The following SNTB1 variants were observed in gnomAD, a reference collection of about 807,000 sequenced individuals.
SNTB1 encodes syntrophin beta 1, also known as beta-1-syntrophin.
In SNTB1, 36 loss-of-function variants were observed where a neutral mutation model predicts 48.9. That is an observed-to-expected ratio of 0.74 (90% confidence interval 0.56 to 0.97). The LOEUF is 0.97. Ranked by LOEUF, SNTB1 falls within the 50% of genes least tolerant of loss-of-function variation. The pLI is 0.00. For missense variants in SNTB1, 786 were observed against 703.4 expected, an observed-to-expected ratio of 1.12 and a Z score of -1.33; for synonymous variants, 299 against 294.6, an observed-to-expected ratio of 1.01 and a Z score of -0.15.
chr8:120,752,186 C>G (rs1248479343), intron 1 of SNTB1, among the ~76,000 whole-genome samples: 1 of 152,042 alleles, frequency 6.6e-6, no homozygotes, highest in East Asian at 1.9e-4. Flanking sequence ...AATGAAAATC[C>G]AATTGGATCT....
At chr8:120,668,981 G>A (rs1438445841) in intron 2 of SNTB1, among the ~76,000 whole-genome samples, 1 of 152,210 alleles carries the variant, frequency 6.6e-6, no homozygotes, top group African/African-American at 2.4e-5. Context: ...CTCCACCTTA[G>A]AAGCTGAGGG....
intron 1 of SNTB1, among the ~76,000 whole-genome samples, chr8:120,761,689 A>G (rs1819422697): frequency 6.6e-6 from 1 of 152,198 alleles, no homozygotes; most frequent in African/African-American, 2.4e-5. Context: ...CCTTGACCAT[A>G]TACATATGGG....
intron 2 of SNTB1, among the ~76,000 whole-genome samples, chr8:120,692,080 G>A (rs1818138330): frequency 6.6e-6 from 1 of 152,140 alleles, no homozygotes; most frequent in South Asian, 2.1e-4. Flanking sequence ...TACCCCTCTT[G>A]CCGATACTTG....
At chr8:120,681,422 A>T (rs1469132651) in intron 2 of SNTB1, among the ~76,000 whole-genome samples, 1 of 152,154 alleles carries the variant, frequency 6.6e-6, no homozygotes, top group Non-Finnish European at 1.5e-5. Flanking sequence ...CTATAACCTA[A>T]AGGGCCACAA....
At chr8:120,717,150 A>T (rs901188594) in intron 1 of SNTB1, among the ~76,000 whole-genome samples, 39 of 152,240 alleles carry the variant, frequency 2.6e-4, no homozygotes, top group Admixed American at 2.6e-3. Flanking sequence ...GAGGCTGCCC[A>T]GGAAAATATT....
rs151310375 is a variant in SNTB1, at chr8:120,699,481, C to T, written c.572-5573G>A. 9.6e-4 allele frequency among the ~76,000 whole-genome samples: 146 copies of T among 152,188 alleles called. 1 individual carries two copies. Among genetic ancestry groups the T allele is most frequent in the East Asian group, 7.7e-3 (40 of 5,164 alleles). ...CCTCCCCCTTCTCTCTCCCTTTGTC[C>T]CATTCTTGCCATATGATGTGCTGCT... On this transcript the variant is annotated intron_variant, in intron 1 of 6. Transcript: ENST00000517992.
intron 3 of SNTB1, among the ~76,000 whole-genome samples, chr8:120,628,846 C>T (rs1816931641): frequency 6.6e-6 from 1 of 151,988 alleles, no homozygotes; most frequent in Admixed American, 6.5e-5. Context: ...TGACAGTGCT[C>T]ACAGAGGAAA....
At chr8:120,804,496 T>A (rs1157875198) in intron 1 of SNTB1, among the ~76,000 whole-genome samples, 1 of 152,148 alleles carries the variant, frequency 6.6e-6, no homozygotes, top group African/African-American at 2.4e-5. Flanking sequence ...GTCTTCAGTT[T>A]GTGTAGTATA....
At chr8:120,684,289 C>G (rs145312524) in intron 2 of SNTB1, among the ~76,000 whole-genome samples, 189 of 152,276 alleles carry the variant, frequency 1.2e-3, no homozygotes, top group Non-Finnish European at 2.2e-3. Flanking sequence ...TTTGGGGAGA[C>G]ACAAACATTC....
At chr8:120,633,973 A>G (rs1817026060) in intron 2 of SNTB1, among the ~76,000 whole-genome samples, 3 of 152,120 alleles carry the variant, frequency 2.0e-5, no homozygotes. Context: ...ACCCCACTGC[A>G]ATCACAATGC....
At chr8:120,633,343 T>C (rs936383131) in intron 2 of SNTB1, among the ~76,000 whole-genome samples, 3 of 152,190 alleles carry the variant, frequency 2.0e-5, no homozygotes, top group African/African-American at 7.2e-5. Flanking sequence ...CGCTGGCTCA[T>C]GACTGTAATC....
At chr8:120,654,039 C>CAAAAAAAAAAAAAAAAA (rs58873007) in intron 2 of SNTB1, among the ~76,000 whole-genome samples, 15 of 25,178 alleles carry the variant, frequency 6.0e-4, no homozygotes, top group African/African-American at 1.8e-3. Flanking sequence ...GACTCTGCCT[C>CAAAAAAAAAAAAAAAAA]AAAAAAAAAA....
Position 120,811,730 on chromosome 8 carries a change from C to T in SNTB1, c.114G>A (p.Leu38=), listed in dbSNP as rs1375277974. 1.3e-6 allele frequency: 2 copies of T among 1,563,734 alleles called. No homozygotes were observed. The highest frequency in any genetic ancestry group is 2.3e-5 in the South Asian group (2 of 85,404). ...VLVRDRWHKV[L]VNLSEDALVL... ...CCAGGGCGTCCTCGCTCAAGTTCAC[C>T]AGAACTTTGTGCCAGCGATCCCGCA... Residue 38 remains leucine (L), a synonymous_variant, in exon 1 of 7, where the codon CTG becomes CTA. Transcript: ENST00000517992.
chr8:120,657,253 A>G (rs911054000), intron 2 of SNTB1, among the ~76,000 whole-genome samples: 3 of 152,200 alleles, frequency 2.0e-5, no homozygotes, highest in African/African-American at 7.2e-5. Flanking sequence ...GCCCCAGTGT[A>G]CAATTTTATC....
intron 4 of SNTB1, among the ~76,000 whole-genome samples, chr8:120,566,406 G>T (rs371995961): frequency 6.6e-6 from 1 of 150,406 alleles, no homozygotes; most frequent in East Asian, 2.0e-4. Context: ...TTCCACCCAC[G>T]TGAGAACACA....
intron 2 of SNTB1, among the ~76,000 whole-genome samples, chr8:120,677,264 A>G (rs893841337): frequency 2.0e-5 from 3 of 152,186 alleles, no homozygotes; most frequent in Non-Finnish European, 4.4e-5. Context: ...AGGCCAGAGA[A>G]CTGTGCCATA....
intron 4 of SNTB1, chr8:120,571,443 G>GTGCA (rs1815843218): frequency 1.5e-5 from 9 of 599,978 alleles, no homozygotes; most frequent in South Asian, 1.4e-4. Context: ...GAGTCTTTGT[G>GTGCA]TGCAGTTAAG....
chr8:120,811,120 TG>T (rs1421292360), intron 1 of SNTB1, among the ~76,000 whole-genome samples, 152 bp downstream of exon 1: 1 of 151,244 alleles, frequency 6.6e-6, no homozygotes, highest in African/African-American at 2.4e-5. Flanking sequence ...TGCCACCCCC[TG>T]CGCCACCCTT....
chr8:120,554,819 C>G (rs1213747077), intron 4 of SNTB1, among the ~76,000 whole-genome samples: 1 of 152,130 alleles, frequency 6.6e-6, no homozygotes, highest in Non-Finnish European at 1.5e-5. Context: ...TGGCCTCCAG[C>G]AAAGCAGATA....
Sources: gnomAD v4.1 joint callset for allele counts (sites outside exome capture counted in the v4.1 genomes callset) on GRCh38, gnomAD v4.1.1 for gene constraint, MANE v1.5 for transcripts, NCBI Gene and HGNC (gene_info 2026-07-23, HGNC 2026-07-21) for gene names.